Variants in DDR2 observed in about 807,000 individuals in gnomAD.
DDR2 encodes discoidin domain-containing receptor 2.
DDR2 carries 27 observed loss-of-function variants against 94.9 expected under a neutral mutation model. The ratio of observed to expected loss-of-function variants is 0.28; its 90% CI spans 0.21 to 0.39. The LOEUF is 0.39. Ranked by LOEUF, DDR2 falls within the 10% of genes least tolerant of loss-of-function variation. The probability of loss-of-function intolerance (pLI) is 1.00; values close to 1 mark genes in which losing one functional copy is unlikely to be tolerated. For missense variants in DDR2, 783 were observed against 1,076.0 expected (o/e 0.73, Z 3.81); for synonymous variants, 382 against 377.2 (o/e 1.01, Z -0.15).
At chr1:162,636,718 T>C (rs1656842505) in intron 1 of DDR2, among the ~76,000 whole-genome samples, 1 of 152,142 alleles carries the variant, frequency 6.6e-6, no homozygotes, top group African/African-American at 2.4e-5. Context: ...GATAAGATAA[T>C]GTATAGGAAA....
intron 13 of DDR2, among the ~76,000 whole-genome samples, chr1:162,772,860 C>T (rs991616722): frequency 1.3e-5 from 2 of 152,178 alleles, no homozygotes; most frequent in East Asian, 1.9e-4. Context: ...TCACCACTGC[C>T]GTCTAAACTC....
In DDR2 at chr1:162,780,132, C is replaced by G. The variant is rs1236758438; in HGVS notation, c.2454C>G (p.Ala818=). ...QGRQTYLPQP[A]ICPDSVYKLM... ...CAAAGACTTACCTCCCTCAACCAGC[C>G]ATTTGTCCTGACTCTGTGTATAAGC... Residue 818 remains alanine, a synonymous_variant, in exon 18 of 18, where the codon GCC becomes GCG. Coordinates refer to ENST00000367921, the MANE Select transcript of DDR2 (RefSeq NM_006182.4). The G allele has an allele frequency of 1.2e-5, 20 of 1,613,874 alleles. No homozygotes were observed. The highest frequency in any genetic ancestry group is 3.3e-4 in the Middle Eastern group (2 of 6,060).
At chr1:162,641,246 T>A (rs937375030) in intron 1 of DDR2, among the ~76,000 whole-genome samples, 3 of 152,214 alleles carry the variant, frequency 2.0e-5, no homozygotes, top group Non-Finnish European at 2.9e-5. Context: ...TATTCTCCAG[T>A]TCAGTTATGC....
At position 162,755,689 on chromosome 1, in the gene DDR2, A is replaced by G. The variant is rs747324281; in HGVS notation, c.591A>G (p.Pro197=). ...WLDGLVSYNA[P]AGQQFVLPGG... ...ATGGCTTGGTGTCTTACAATGCTCC[A>G]GCTGGGCAGCAGTTTGTACTCCCTG... Residue 197 remains proline (P), a synonymous_variant, in exon 7 of 18, where the codon CCA becomes CCG. Coordinates refer to ENST00000367921, the MANE Select transcript of DDR2 (RefSeq NM_006182.4). The G allele has an allele frequency of 1.9e-6, 3 of 1,614,072 alleles. No homozygotes were observed. The African/African-American group carries it at 4.0e-5, about 22-fold the overall frequency.
chr1:162,681,669 A>G (rs984853440), intron 2 of DDR2, among the ~76,000 whole-genome samples: 1 of 152,170 alleles, frequency 6.6e-6, no homozygotes, highest in East Asian at 1.9e-4. Context: ...GTCACATGGC[A>G]GAAGGGGGAA....
chr1:162,758,397 A>G (rs560681261), intron 7 of DDR2, among the ~76,000 whole-genome samples: 33 of 152,328 alleles, frequency 2.2e-4, no homozygotes, highest in African/African-American at 7.5e-4. Flanking sequence ...TAAAGTATAT[A>G]AATATTGAAC....
chr1:162,658,687 G>A (rs1047795713), intron 2 of DDR2, among the ~76,000 whole-genome samples: 22 of 151,248 alleles, frequency 1.5e-4, no homozygotes, highest in Admixed American at 7.2e-4. Context: ...AAAATGCCAG[G>A]TATGATGGGG....
At chr1:162,661,660 C>A (rs1288906933) in intron 2 of DDR2, among the ~76,000 whole-genome samples, 1 of 152,126 alleles carries the variant, frequency 6.6e-6, no homozygotes, top group South Asian at 2.1e-4. Context: ...ACAGTGAAGC[C>A]GGAGGTTGTA....
At chr1:162,649,922 T>C (rs966595944) in intron 1 of DDR2, among the ~76,000 whole-genome samples, 5 of 152,154 alleles carry the variant, frequency 3.3e-5, no homozygotes, top group Non-Finnish European at 7.3e-5. Context: ...TGGGTTTGGG[T>C]TTTCTTCATC....
intron 2 of DDR2, among the ~76,000 whole-genome samples, chr1:162,709,733 T>C (rs1471927651): frequency 2.0e-5 from 3 of 152,132 alleles, no homozygotes; most frequent in African/African-American, 4.8e-5. Flanking sequence ...TGAGAGGAGC[T>C]GGTTGGGAAA....
rs762535811 is a variant in DDR2 at position 162,775,728 on chromosome 1, A to G, written c.1933A>G (p.Ile645Val). Residue 645 changes from isoleucine to valine, a missense_variant, in exon 15 of 18, where the codon ATC becomes GTC. By Grantham distance (29) the Ile-to-Val change is conservative (BLOSUM62 3). This residue lies in a region of DDR2 where 264 missense variants were observed against 428.2 expected (regional missense o/e 0.62). Coordinates refer to ENST00000367921, the MANE Select transcript of DDR2 (RefSeq NM_006182.4). ...CATCATCCATCTATTAGCTGTGTGT[A>G]TCACTGATGACCCTCTCTGTATGAT... ...PNIIHLLAVC[I>V]TDDPLCMITE... 20 of 1,614,162 alleles carry G rather than the reference A, an allele frequency of 1.2e-5. No homozygotes were observed. The highest frequency in any genetic ancestry group is 1.6e-5 in the Non-Finnish European group (19 of 1,180,002).
chr1:162,682,450 C>T (rs1558024089), intron 2 of DDR2, among the ~76,000 whole-genome samples: 1 of 152,194 alleles, frequency 6.6e-6, no homozygotes, highest in African/African-American at 2.4e-5. Context: ...TACTTCTCTC[C>T]CAAGTGGGAT....
intron 3 of DDR2, among the ~76,000 whole-genome samples, chr1:162,722,591 A>C (rs1661472262): frequency 6.6e-6 from 1 of 152,246 alleles, no homozygotes; most frequent in African/African-American, 2.4e-5. Context: ...CATTTATACA[A>C]ATCAACAGAT....
At position 162,755,757 on chromosome 1, in the gene DDR2, C is replaced by T. The variant is rs759279024; in HGVS notation, c.659C>T (p.Ala220Val). Residue 220 changes from alanine to valine, a missense_variant, in exon 7 of 18, where the codon GCT (alanine) becomes GTT (valine). Around this residue, in one of 2 missense-constraint regions of DDR2, gnomAD observed 519 missense variants for 647.9 expected, o/e 0.80. Transcript: ENST00000367921. ...CTGAATGATTCTGTCTATGATGGAG[C>T]TGTTGGATACAGGTAAATCCTGGGA... is the stretch of plus-strand genomic sequence containing the variant. ...IYLNDSVYDG[A>V]VGYSMTEGLG... 12 of 1,613,982 alleles carry T rather than the reference C, an allele frequency of 7.4e-6. No individual in the cohort carries two copies. The highest frequency in any genetic ancestry group is 2.2e-5 in the East Asian group (1 of 44,876).
chr1:162,770,741 A>G (rs1172867747), intron 12 of DDR2: 7 of 649,796 alleles, frequency 1.1e-5, no homozygotes, highest in African/African-American at 1.8e-5. Flanking sequence ...ATACCAGAAA[A>G]GAAAGAAAAA....
At chr1:162,706,861 T>C (rs1660687075) in intron 2 of DDR2, among the ~76,000 whole-genome samples, 1 of 152,094 alleles carries the variant, frequency 6.6e-6, no homozygotes, top group African/African-American at 2.4e-5. Flanking sequence ...CAAGTTAAAG[T>C]AACACAGAAG....
chr1:162,666,964 A>G (rs908352014), intron 2 of DDR2, among the ~76,000 whole-genome samples: 5 of 150,734 alleles, frequency 3.3e-5, no homozygotes, highest in African/African-American at 1.2e-4. Flanking sequence ...AAATATATAT[A>G]TATATATCTC....
At chr1:162,747,857 A>G (rs559966021) in intron 3 of DDR2, among the ~76,000 whole-genome samples, 19 of 152,358 alleles carry the variant, frequency 1.2e-4, no homozygotes, top group Non-Finnish European at 2.2e-4. Context: ...AACGTTCTTA[A>G]AGAAAAGAAT....
At chr1:162,730,058 C>CTTTTA (rs1661953788) in intron 3 of DDR2, among the ~76,000 whole-genome samples, 4 of 64,188 alleles carry the variant, frequency 6.2e-5, no homozygotes, top group Non-Finnish European at 9.3e-5. Flanking sequence ...TTTTTTTTTG[C>CTTTTA]AAAAAAAAAA....
Sources: gnomAD v4.1 joint callset for allele counts (sites outside exome capture counted in the v4.1 genomes callset) on GRCh38, gnomAD v4.1.1 for gene constraint, gnomAD v4.1.1 regional missense constraint, MANE v1.5 for transcripts, NCBI Gene and HGNC (gene_info 2026-07-23, HGNC 2026-07-21) for gene names.